The following LMBR1 variants were observed in gnomAD, a reference collection of about 807,000 sequenced individuals.
LMBR1 encodes limb region 1 protein homolog.
LMBR1 carries 52 observed loss-of-function variants against 73.9 expected under a neutral mutation model. That is an observed-to-expected ratio of 0.70 (90% CI 0.56 to 0.89). LMBR1 has a LOEUF of 0.89. LMBR1 is among the 40% of genes least tolerant of loss of function. The pLI is 0.00. For synonymous variants in LMBR1, 215 were observed against 209.4 expected (o/e 1.03, Z -0.23); for missense variants, 539 against 579.8 (o/e 0.93, Z 0.72).
At chr7:156,728,348 A>G (rs567869418) in intron 11 of LMBR1, among the ~76,000 whole-genome samples, 45 of 152,384 alleles carry the variant, frequency 3.0e-4, no homozygotes, top group African/African-American at 1.0e-3. Flanking sequence ...ATTTTATCAC[A>G]GAATTTAAAG....
At chr7:156,852,202 G>A (rs1199987508) in intron 1 of LMBR1, among the ~76,000 whole-genome samples, 1 of 152,110 alleles carries the variant, frequency 6.6e-6, no homozygotes, top group Non-Finnish European at 1.5e-5. Context: ...GAGGAAATGG[G>A]AAAAACAAAG....
intron 1 of LMBR1, among the ~76,000 whole-genome samples, chr7:156,846,439 T>C (rs1795491143): frequency 6.6e-6 from 1 of 152,176 alleles, no homozygotes; most frequent in Non-Finnish European, 1.5e-5. Flanking sequence ...AAAACACTAT[T>C]TATATTAGCA....
chr7:156,781,936 G>A (rs1827198950), intron 5 of LMBR1, among the ~76,000 whole-genome samples: 1 of 152,110 alleles, frequency 6.6e-6, no homozygotes, highest in Non-Finnish European at 1.5e-5. Context: ...TCTCCAGAAT[G>A]CTTTTCATAT....
intron 5 of LMBR1, among the ~76,000 whole-genome samples, chr7:156,789,565 T>C (rs1375685255): frequency 6.6e-6 from 1 of 152,216 alleles, no homozygotes; most frequent in Non-Finnish European, 1.5e-5. Flanking sequence ...AGTTATATAT[T>C]GACAAACGTT....
intron 1 of LMBR1, among the ~76,000 whole-genome samples, chr7:156,860,680 G>C (rs1360558040): frequency 1.3e-5 from 2 of 152,230 alleles, no homozygotes; most frequent in East Asian, 3.8e-4. Context: ...AAGCAAGTTA[G>C]TTTCTTCCTA....
chr7:156,698,640 C>A (rs913740169), intron 15 of LMBR1, among the ~76,000 whole-genome samples: 6 of 152,184 alleles, frequency 3.9e-5, no homozygotes, highest in African/African-American at 1.4e-4. Flanking sequence ...CCTTTAGTCA[C>A]GGCTGGAGCA....
rs1802095967 is a variant in LMBR1 at position 156,669,895 on chromosome 7, G to GCGGT, written n.867-612_867-609dup. On this transcript the variant is annotated intron_variant and non_coding_transcript_variant, in intron 4 of 4. Coordinates refer to the LMBR1 transcript ENST00000430825. The surrounding 1 kb of genome is among the most constrained non-coding windows in gnomAD (Gnocchi z 4.2). ...TCTGTTCCAGGTGACAGGAGGGCGG[G>GCGGT]CGGTCATGGCCTAGTGCCATGAAAA... Among the ~76,000 whole-genome samples, 1 of 152,170 alleles carries GCGGT rather than the reference G, an allele frequency of 6.6e-6. No individual in the cohort carries two copies. The highest frequency in any genetic ancestry group is 1.5e-5 in the Non-Finnish European group (1 of 68,036).
At chr7:156,725,038 T>G (rs1815432776) in intron 14 of LMBR1, among the ~76,000 whole-genome samples, 1 of 152,222 alleles carries the variant, frequency 6.6e-6, no homozygotes, top group South Asian at 2.1e-4. Flanking sequence ...CGTCTTACTT[T>G]AATTATTCAA....
intron 5 of LMBR1, among the ~76,000 whole-genome samples, chr7:156,774,064 G>A (rs1016603913): frequency 3.3e-5 from 5 of 151,884 alleles, no homozygotes; most frequent in Non-Finnish European, 5.9e-5. Flanking sequence ...AATAGGAAGA[G>A]ACACTTTTCA....
At chr7:156,891,211 A>AAAAAAAAAATAT (rs1802875174) in intron 1 of LMBR1, among the ~76,000 whole-genome samples, 6 of 81,496 alleles carry the variant, frequency 7.4e-5, no homozygotes, top group African/African-American at 2.6e-4. Context: ...AAAAAAAAAA[A>AAAAAAAAAATAT]ATATATATAT....
chr7:156,775,805 T>C (rs1826025944), intron 5 of LMBR1, among the ~76,000 whole-genome samples: 1 of 152,004 alleles, frequency 6.6e-6, no homozygotes, highest in African/African-American at 2.4e-5. Context: ...TCCAAGAGAC[T>C]GGAACCCAAA....
At chr7:156,698,476 A>G (rs1008148358) in intron 15 of LMBR1, among the ~76,000 whole-genome samples, 3 of 152,168 alleles carry the variant, frequency 2.0e-5, no homozygotes, top group Admixed American at 6.5e-5. Flanking sequence ...TCTGCCTGGG[A>G]ACCCAGGTGT....
chr7:156,766,683 G>A lies in LMBR1; in HGVS notation c.424-2888C>T, dbSNP rs547663015. ...CTGGGATCTATTAATAGCAGTGAGT[G>A]TGCTCACCCAAGTGGTGGGCAAGCA... On this transcript the variant is annotated intron_variant, in intron 5 of 16. Transcript: ENST00000353442. Among the ~76,000 whole-genome samples the A allele has an allele frequency of 2.6e-5, 4 of 152,250 alleles. No individual in the cohort carries two copies. In the East Asian group the frequency reaches 7.8e-4, roughly 30 times the overall value.
At chr7:156,760,942 A>C (rs1327824606) in intron 8 of LMBR1, among the ~76,000 whole-genome samples, 2 of 152,218 alleles carry the variant, frequency 1.3e-5, no homozygotes, top group South Asian at 2.1e-4. Context: ...CAAAGAAAGG[A>C]CTTTAATTCT....
chr7:156,770,869 G>A lies in LMBR1; in HGVS notation c.424-7074C>T, dbSNP rs549607977. On this transcript the variant is annotated intron_variant, in intron 5 of 16. Coordinates refer to ENST00000353442, the MANE Select transcript of LMBR1 (RefSeq NM_022458.4). ...TTTGAGGTTACAGTGAGCTATGATC[G>A]CGCTAGTGCACTCTAACCTGGGCAA... Among the ~76,000 whole-genome samples the A allele has an allele frequency of 1.2e-4, 19 of 152,172 alleles. 1 individual carries two copies. In the South Asian group the frequency reaches 2.3e-3, roughly 18 times the overall value.
At chr7:156,745,079 A>G (rs1480072819) in intron 9 of LMBR1, among the ~76,000 whole-genome samples, 1 of 152,226 alleles carries the variant, frequency 6.6e-6, no homozygotes, top group Non-Finnish European at 1.5e-5. Context: ...CATGTAAGGT[A>G]ACATATTCAC....
chr7:156,799,886 C>T (rs2133422078), intron 4 of LMBR1, among the ~76,000 whole-genome samples: 1 of 152,314 alleles, frequency 6.6e-6, no homozygotes, highest in South Asian at 2.1e-4. Context: ...AGGTTTTGTG[C>T]TCTGGACAGA....
chr7:156,694,426 C>T (rs1449837497), intron 15 of LMBR1, among the ~76,000 whole-genome samples: 1 of 152,112 alleles, frequency 6.6e-6, no homozygotes, highest in Non-Finnish European at 1.5e-5. Context: ...AGCCACTGCA[C>T]CCAGCCAAGA....
chr7:156,673,528 G>T (rs147531041), downstream of LMBR1, among the ~76,000 whole-genome samples: 634 of 152,256 alleles, frequency 4.2e-3, 6 homozygotes, highest in Non-Finnish European at 7.0e-3. Context: ...ATTACATTCA[G>T]AGTGAAAGAG....
Sources: gnomAD v4.1 joint callset for allele counts (sites outside exome capture counted in the v4.1 genomes callset) on GRCh38, gnomAD v4.1.1 for gene constraint, Gnocchi (gnomAD v3.1) non-coding constraint, MANE v1.5 for transcripts, NCBI Gene and HGNC (gene_info 2026-07-23, HGNC 2026-07-21) for gene names.